The following EDC3 variants were observed in gnomAD, a reference collection of about 807,000 sequenced individuals.
The protein encoded by EDC3 is enhancer of mRNA decapping 3.
In EDC3, 20 loss-of-function variants were observed where a neutral mutation model predicts 41.8. That is an observed-to-expected ratio of 0.48 (90% CI 0.34 to 0.70). EDC3 has a LOEUF of 0.70. Among genes scored for constraint, EDC3 ranks in the 30% least tolerant of loss-of-function variants. The pLI is 0.01. For missense variants in EDC3, 444 were observed against 636.8 expected, an observed-to-expected ratio of 0.70 and a Z score of 3.26; for synonymous variants, 206 against 243.2, an observed-to-expected ratio of 0.85 and a Z score of 1.42.
chr15:74,674,785 C>T (rs1017211221), intron 2 of EDC3, 176 bp downstream of exon 2: 5 of 675,388 alleles, frequency 7.4e-6, no homozygotes, highest in African/African-American at 3.6e-5. Context: ...GAGGCCACAA[C>T]GGGCAGATTA....
intron 1 of EDC3, among the ~76,000 whole-genome samples, chr15:74,689,518 ATTTCTTTTTTTTT>A (rs927228578): frequency 2.0e-5 from 3 of 147,868 alleles, no homozygotes; most frequent in African/African-American, 7.5e-5. Flanking sequence ...TTCTCCCTCC[ATTTCTTTTTTTTT>A]TTTCTTTTTT....
At chr15:74,672,799 AGT>A (rs1399715580) in intron 2 of EDC3, among the ~76,000 whole-genome samples, 1 of 152,006 alleles carries the variant, frequency 6.6e-6, no homozygotes, top group African/African-American at 2.4e-5. Flanking sequence ...TGGGCAACAA[AGT>A]GAGACTCTGT....
At chr15:74,688,069 C>T (rs1184880967) in intron 1 of EDC3, among the ~76,000 whole-genome samples, 1 of 152,174 alleles carries the variant, frequency 6.6e-6, no homozygotes, top group African/African-American at 2.4e-5. Flanking sequence ...AAAAATATAA[C>T]CACTGAATGT....
chr15:74,679,370 A>C (rs925364317), intron 1 of EDC3, among the ~76,000 whole-genome samples: 8 of 152,114 alleles, frequency 5.3e-5, no homozygotes, highest in South Asian at 2.1e-4. Context: ...CCAGCAATAA[A>C]TTTTAAAAGT....
intron 3 of EDC3, among the ~76,000 whole-genome samples, chr15:74,666,653 G>T (rs2062679577): frequency 6.6e-6 from 1 of 152,170 alleles, no homozygotes; most frequent in South Asian, 2.1e-4. Flanking sequence ...AAAACTGCAG[G>T]GATGGTATAA....
At chr15:74,635,234 G>C in intron 6 of EDC3, 175 bp downstream of exon 6, 3 of 714,924 alleles carry the variant, frequency 4.2e-6, no homozygotes, top group Non-Finnish European at 7.6e-6. Context: ...GTTGGAGAGG[G>C]AGAAGCATAA....
intron 5 of EDC3, chr15:74,640,196 G>C (rs1489925403): frequency 5.1e-6 from 2 of 392,562 alleles, no homozygotes; most frequent in Non-Finnish European, 9.2e-6. Flanking sequence ...GCTTCTGATA[G>C]TTAGCAGGAG....
chr15:74,657,121 C>T (rs910804796), intron 3 of EDC3, among the ~76,000 whole-genome samples: 11 of 152,250 alleles, frequency 7.2e-5, no homozygotes, highest in Non-Finnish European at 1.5e-4. Context: ...GACTGTCACA[C>T]TGATCCTTTG....
chr15:74,679,672 C>T (rs142287363), intron 1 of EDC3: 1 of 148,342 alleles, frequency 6.7e-6, no homozygotes, highest in East Asian at 2.0e-4. Context: ...GTAATCCCAG[C>T]ACTTTGAGAG....
intron 1 of EDC3, among the ~76,000 whole-genome samples, chr15:74,679,421 C>A (rs2062843939): frequency 6.6e-6 from 1 of 151,904 alleles, no homozygotes; most frequent in African/African-American, 2.4e-5. Flanking sequence ...TCCTAGAATG[C>A]AAAATTGGTT....
chr15:74,687,141 C>G (rs1179964948), intron 1 of EDC3: 1 of 152,074 alleles, frequency 6.6e-6, no homozygotes, highest in East Asian at 1.9e-4. Context: ...TCACTTGAGT[C>G]CAGGAATTCA....
chr15:74,687,634 T>G (rs2036105397), intron 1 of EDC3, among the ~76,000 whole-genome samples: 1 of 152,216 alleles, frequency 6.6e-6, no homozygotes, highest in African/African-American at 2.4e-5. Flanking sequence ...CACCTCAGCC[T>G]CTGCACTAGG....
At chr15:74,634,870 A>G (rs931080655) in intron 6 of EDC3, among the ~76,000 whole-genome samples, 2 of 152,132 alleles carry the variant, frequency 1.3e-5, no homozygotes, top group Admixed American at 6.5e-5. Context: ...AAATTTGATT[A>G]TATCATTTCT....
At chr15:74,654,134 T>C (rs981626521) in intron 4 of EDC3, among the ~76,000 whole-genome samples, 1 of 151,852 alleles carries the variant, frequency 6.6e-6, no homozygotes, top group African/African-American at 2.4e-5. Flanking sequence ...GTACCTGTAG[T>C]CCCAGCTACT....
chr15:74,634,748 C>G (rs2062250989), intron 6 of EDC3, among the ~76,000 whole-genome samples: 1 of 152,180 alleles, frequency 6.6e-6, no homozygotes, highest in South Asian at 2.1e-4. Context: ...CCACTCTTGT[C>G]TTAGCCACCA....
rs571502493 is a variant in EDC3, at chr15:74,632,186, C to T, written c.*426G>A. ...GGTTCTACAGAGGAAGGGCTGTCTGCGTGGGGAAAGCAGGGGAGACACAAA... is the reference window on the plus strand; with the variant it reads ...GGTTCTACAGAGGAAGGGCTGTCTGTGTGGGGAAAGCAGGGGAGACACAAA... On this transcript the variant is annotated 3_prime_UTR_variant, in exon 7 of 7. Transcript: ENST00000315127. This position sits in a 1 kb window ranked among gnomAD's most constrained non-coding sequence, Gnocchi z 4.0. The T allele has an allele frequency of 7.4e-4, 155 of 209,212 alleles. No homozygotes were observed. Among genetic ancestry groups the T allele is most frequent in the South Asian group, 3.0e-3 (35 of 11,708 alleles). The allele number at this position is 209,212 out of a possible 1,614,324, so 13.0% of individuals were successfully genotyped here.
rs1367955666 is a variant in EDC3 at position 74,667,092 on chromosome 15, T to C, written c.484+4363A>G. Among the ~76,000 whole-genome samples, 5 of 152,022 alleles carry C rather than the reference T, an allele frequency of 3.3e-5. No homozygotes were observed. The South Asian group carries it at 1.0e-3, about 32-fold the overall frequency. On this transcript the variant is annotated intron_variant, in intron 3 of 6. Coordinates refer to ENST00000315127, the MANE Select transcript of EDC3 (RefSeq NM_025083.5). ...TTCTGATACCACTATACATGTATAC[T>C]GGAATTGAATAATTATGTAAAGAAT...
intron 3 of EDC3, among the ~76,000 whole-genome samples, chr15:74,656,458 A>G (rs944766639): frequency 6.6e-6 from 1 of 151,410 alleles, no homozygotes; most frequent in Admixed American, 6.6e-5. Flanking sequence ...AACAAATATT[A>G]CCCAAGTAAC....
At chr15:74,677,095 C>T (rs1230705615) in intron 1 of EDC3, 1 of 151,884 alleles carries the variant, frequency 6.6e-6, no homozygotes, top group Non-Finnish European at 1.5e-5. Flanking sequence ...TGGAGTCTTA[C>T]TCTGCCGCCC....
Sources: allele counts gnomAD v4.1 joint callset (sites outside exome capture counted in the v4.1 genomes callset), GRCh38; gene constraint gnomAD v4.1.1; non-coding constraint Gnocchi (gnomAD v3.1); transcripts MANE v1.5; gene names NCBI Gene and HGNC (gene_info 2026-07-23, HGNC 2026-07-21).